ARMC3: variants seen among roughly 807,000 people sequenced by gnomAD.
ARMC3 encodes the protein armadillo repeat-containing protein 3.
Under a neutral mutation model 90.3 loss-of-function variants are expected in ARMC3, and 74 were observed. That is an observed-to-expected ratio of 0.82 (90% CI 0.68 to 0.99). The LOEUF (loss-of-function observed/expected upper bound fraction) is 0.99, where lower values mean the gene tolerates loss of function less well. ARMC3 is among the 50% of genes least tolerant of loss of function. The pLI is 0.00. For missense variants in ARMC3, 958 were observed against 1,042.8 expected, an observed-to-expected ratio of 0.92 and a Z score of 1.12; for synonymous variants, 334 against 361.8, an observed-to-expected ratio of 0.92 and a Z score of 0.87.
intron 4 of ARMC3, among the ~76,000 whole-genome samples, chr10:22,956,760 CAATT>C (rs140405085): frequency 0.22 from 32,155 of 147,304 alleles, 3,628 homozygotes; most frequent in Non-Finnish European, 0.24. Flanking sequence ...TATCAATATA[CAATT>C]AATATCAATA....
chr10:22,968,818 A>G (rs973519577), intron 8 of ARMC3, among the ~76,000 whole-genome samples: 3 of 152,206 alleles, frequency 2.0e-5, no homozygotes, highest in Non-Finnish European at 4.4e-5. Context: ...CAAAACATAT[A>G]TAATTCCTCT....
chr10:22,971,824 G>A lies in ARMC3; in HGVS notation c.916+3335G>A, dbSNP rs556080763. Among the ~76,000 whole-genome samples, 3 of 152,270 alleles carry A rather than the reference G, an allele frequency of 2.0e-5. No individual in the cohort carries two copies. In the South Asian group the frequency reaches 6.2e-4, roughly 32 times the overall value. On this transcript the variant is annotated intron_variant, in intron 8 of 18. Transcript: ENST00000298032. ...TTACATTCCCATAACCAATGCACAA[G>A]AGTTCCAATTTCTCCACATCCTGGC...
At chr10:22,932,903 G>A (rs548442538) in intron 2 of ARMC3, among the ~76,000 whole-genome samples, 6 of 152,272 alleles carry the variant, frequency 3.9e-5, no homozygotes, top group African/African-American at 7.2e-5. Flanking sequence ...AAGTTATTTC[G>A]GTTTTTCTTT....
chr10:22,959,639 A>G, intron 6 of ARMC3, 65 bp downstream of exon 6: 2 of 1,477,342 alleles, frequency 1.4e-6, no homozygotes, highest in South Asian at 1.4e-5. Flanking sequence ...TCCCATTAAA[A>G]ATAGAAAAAA....
intron 18 of ARMC3, among the ~76,000 whole-genome samples, chr10:23,033,281 T>C (rs920269563): frequency 4.3e-4 from 66 of 152,264 alleles, no homozygotes; most frequent in African/African-American, 1.5e-3. Flanking sequence ...ATAGTGACCA[T>C]ACACCTACTA....
At chr10:22,979,917 G>A (rs143000892) in intron 8 of ARMC3, among the ~76,000 whole-genome samples, 1 of 152,280 alleles carries the variant, frequency 6.6e-6, no homozygotes, top group African/African-American at 2.4e-5. Flanking sequence ...TGTGCCAGTT[G>A]TGGCCAGATT....
intron 2 of ARMC3, among the ~76,000 whole-genome samples, chr10:22,939,468 A>G (rs1429489717): frequency 6.6e-6 from 1 of 152,158 alleles, no homozygotes; most frequent in Non-Finnish European, 1.5e-5. Flanking sequence ...GTCTTATTGA[A>G]TACCTGGGGC....
intron 16 of ARMC3, among the ~76,000 whole-genome samples, chr10:23,017,487 G>A (rs1371850721): frequency 1.3e-5 from 2 of 152,034 alleles, no homozygotes; most frequent in Admixed American, 6.6e-5. Context: ...GTGATTGACC[G>A]GGCATGGTGG....
At chr10:23,030,377 T>C (rs1423651336) in intron 16 of ARMC3, among the ~76,000 whole-genome samples, 1 of 152,134 alleles carries the variant, frequency 6.6e-6, no homozygotes, top group African/African-American at 2.4e-5. Flanking sequence ...GTATTTTCAG[T>C]CACATTTGGT....
At chr10:23,005,764 T>C (rs1837575408) in intron 13 of ARMC3, among the ~76,000 whole-genome samples, 1 of 151,966 alleles carries the variant, frequency 6.6e-6, no homozygotes, top group South Asian at 2.1e-4. Context: ...CTCGAGAGGC[T>C]GAGGCAGGAG....
At chr10:23,007,662 T>G (rs1346733911) in intron 14 of ARMC3, among the ~76,000 whole-genome samples, 1 of 137,760 alleles carries the variant, frequency 7.3e-6, no homozygotes, top group African/African-American at 2.8e-5. Flanking sequence ...GCACTGCCAC[T>G]GCACTCTAGC....
chr10:23,032,082 A>C (rs1418199982), intron 17 of ARMC3, among the ~76,000 whole-genome samples: 1 of 152,120 alleles, frequency 6.6e-6, no homozygotes. Flanking sequence ...TGAGACTCTC[A>C]TCTCTCTTTA....
At chr10:23,035,788 T>C (rs1164264455) in intron 18 of ARMC3, among the ~76,000 whole-genome samples, 3 of 152,012 alleles carry the variant, frequency 2.0e-5, no homozygotes, top group Non-Finnish European at 4.4e-5. Flanking sequence ...CTTTCCCAGC[T>C]CCTAGTGGCA....
chr10:22,946,430 G>C, intron 3 of ARMC3, 169 bp downstream of exon 3: 1 of 462,322 alleles, frequency 2.2e-6, no homozygotes, highest in Non-Finnish European at 3.8e-6. Flanking sequence ...CTCTTCCTGA[G>C]TTCCTAGCTT....
At chr10:22,984,024 A>G (rs1046236296) in intron 10 of ARMC3, among the ~76,000 whole-genome samples, 1 of 152,174 alleles carries the variant, frequency 6.6e-6, no homozygotes, top group African/African-American at 2.4e-5. Flanking sequence ...AGGTTTTCTA[A>G]TTATTTTTCT....
chr10:22,967,851 C>T lies in ARMC3; in HGVS notation c.733-455C>T, dbSNP rs78289641. On this transcript the variant is annotated intron_variant, in intron 7 of 18. Transcript: ENST00000298032. ...ATTTCTAGCTATTTAGGTAAAACCG[C>T]AGTTTTCCATGCCTGTGGGGATTCA... Among the ~76,000 whole-genome samples the T allele has an allele frequency of 3.4e-4, 52 of 152,310 alleles. No individual in the cohort carries two copies. The East Asian group carries it at 9.1e-3, about 27-fold the overall frequency.
At chr10:22,973,324 T>G (rs1189564206) in intron 8 of ARMC3, among the ~76,000 whole-genome samples, 1 of 148,248 alleles carries the variant, frequency 6.7e-6, no homozygotes, top group Non-Finnish European at 1.5e-5. Flanking sequence ...ATAATAATAA[T>G]AATAATAATA....
At position 22,959,771 on chromosome 10, in the gene ARMC3, C is replaced by T. The variant is rs187171423; in HGVS notation, c.537+197C>T. The T allele has an allele frequency of 2.3e-4, 153 of 659,484 alleles. 1 individual carries two copies. The African/African-American group carries it at 2.5e-3, about 11-fold the overall frequency. The allele number at this position is 659,484 out of a possible 1,614,324, so 40.9% of individuals were successfully genotyped here. ...CTTTCAATTTTCACATTTTGTAAGT[C>T]ATTGTCTCCTGTGAAAAAGTATTTT... On this transcript the variant is annotated intron_variant, in intron 6 of 18. Transcript: ENST00000298032.
chr10:22,968,781 A>C (rs1588858814), intron 8 of ARMC3, among the ~76,000 whole-genome samples: 1 of 152,062 alleles, frequency 6.6e-6, no homozygotes. Flanking sequence ...GAGCCACTGC[A>C]CCCTGCCATG....
Sources: gnomAD v4.1 joint callset for allele counts (sites outside exome capture counted in the v4.1 genomes callset) on GRCh38, gnomAD v4.1.1 for gene constraint, MANE v1.5 for transcripts, NCBI Gene and HGNC (gene_info 2026-07-23, HGNC 2026-07-21) for gene names.